The following AFF2 variants were observed in gnomAD, a reference collection of about 807,000 sequenced individuals.
The protein encoded by AFF2 is AF4/FMR2 family member 2.
In AFF2, 14 loss-of-function variants were observed where a neutral mutation model predicts 76.9. The observed-to-expected ratio is 0.18, with a 90% confidence interval of 0.12 to 0.28. The LOEUF is 0.28. Among genes scored for constraint, AFF2 ranks in the 10% least tolerant of loss-of-function variants. The pLI is 1.00. For missense variants in AFF2, 868 were observed against 1,001.1 expected, an observed-to-expected ratio of 0.87 and a Z score of 1.79; for synonymous variants, 398 against 366.7, an observed-to-expected ratio of 1.09 and a Z score of -0.98.
chrX:148,566,675 G>T (rs2124317841), intron 1 of AFF2, among the ~76,000 whole-genome samples: 1 of 110,485 alleles, frequency 9.1e-6, no homozygotes, highest in South Asian at 3.8e-4. Flanking sequence ...GCCATCAAGG[G>T]GTGTGCAAGG....
At chrX:148,634,638 A>G (rs1323260743) in intron 1 of AFF2, among the ~76,000 whole-genome samples, 2 of 111,967 alleles carry the variant, frequency 1.8e-5, no homozygotes, top group African/African-American at 6.5e-5. Context: ...GTCTCTTCTC[A>G]TAGAAATAAC....
At chrX:148,912,037 C>A (rs782482525) in intron 9 of AFF2, among the ~76,000 whole-genome samples, 1 of 111,953 alleles carries the variant, frequency 8.9e-6, no homozygotes, top group Admixed American at 9.4e-5. Flanking sequence ...GTATATACAC[C>A]GTGGAATACT....
At chrX:148,603,538 T>C (rs1603255508) in intron 1 of AFF2, among the ~76,000 whole-genome samples, 1 of 110,204 alleles carries the variant, frequency 9.1e-6, no homozygotes, top group South Asian at 3.8e-4. Flanking sequence ...AGCTTATTTT[T>C]ATTTTAGGGG....
At chrX:148,741,351 T>C (rs996338067) in intron 3 of AFF2, among the ~76,000 whole-genome samples, 47 of 110,436 alleles carry the variant, frequency 4.3e-4, no homozygotes, top group Non-Finnish European at 8.3e-4. Context: ...CCCAAGTCAC[T>C]GGAGTTATGT....
chrX:148,758,123 C>T lies in AFF2; in HGVS notation c.1042-51753C>T, dbSNP rs144194073. Among the ~76,000 whole-genome samples, 626 of 112,163 alleles carry T rather than the reference C, an allele frequency of 5.6e-3. 3 individuals carry two copies. Among genetic ancestry groups the T allele is most frequent in the African/African-American group, 0.02 (606 of 30,936 alleles). On this transcript the variant is annotated intron_variant, in intron 3 of 20. Transcript: ENST00000370460. ...CTCACACTGAGCAATCTGGTTGATT[C>T]CTGTGTATTGTATTTGAGCAAAAGA... is the stretch of plus-strand genomic sequence containing the variant.
At chrX:148,780,478 A>G (rs782539725) in intron 3 of AFF2, among the ~76,000 whole-genome samples, 7 of 111,675 alleles carry the variant, frequency 6.3e-5, no homozygotes, top group Non-Finnish European at 1.3e-4. Context: ...TCTTGTCTTC[A>G]TGCTTTATTT....
intron 4 of AFF2, among the ~76,000 whole-genome samples, chrX:148,833,944 G>T (rs1430909043): frequency 1.7e-4 from 19 of 112,321 alleles, no homozygotes. Context: ...AACACAGACT[G>T]TCTTCTGTCC....
rs1426169095 is a variant in AFF2 at position 148,995,382 on chromosome X, A to G, written c.*4050A>G. The G allele has an allele frequency of 9.3e-6, 1 of 107,405 alleles. No individual in the cohort carries two copies. Among genetic ancestry groups the G allele is most frequent in the Non-Finnish European group, 1.9e-5 (1 of 51,926 alleles). The allele number at this position is 107,405 out of a possible 1,213,427, so 8.9% of individuals were successfully genotyped here. ...TAATTCTCTTTCCATCCTCCTCCTC[A>G]GAAATATAGAAGCCCTCTTTACCAA... On this transcript the variant is annotated 3_prime_UTR_variant, in exon 21 of 21. Transcript: ENST00000370460.
At chrX:148,715,047 G>A (rs1298695289) in intron 3 of AFF2, among the ~76,000 whole-genome samples, 2 of 110,687 alleles carry the variant, frequency 1.8e-5, no homozygotes, top group Non-Finnish European at 3.8e-5. Flanking sequence ...TGTCTGCCAG[G>A]AAAAACCAGG....
chrX:148,924,427 G>A (rs1034023896), intron 9 of AFF2, among the ~76,000 whole-genome samples: 1 of 112,057 alleles, frequency 8.9e-6, no homozygotes, highest in East Asian at 2.8e-4. Context: ...TAAATTCAGG[G>A]TTCTTACCTG....
chrX:148,788,522 T>C (rs1324501028), intron 3 of AFF2, among the ~76,000 whole-genome samples: 2 of 112,138 alleles, frequency 1.8e-5, no homozygotes, highest in African/African-American at 3.2e-5. Flanking sequence ...CTTCCCACTG[T>C]CCTGCCTCTG....
At chrX:148,829,349 A>G (rs1263990608) in intron 4 of AFF2, among the ~76,000 whole-genome samples, 1 of 112,141 alleles carries the variant, frequency 8.9e-6, no homozygotes, top group African/African-American at 3.2e-5. Flanking sequence ...ATATTCATTC[A>G]ATTGAATGGA....
chrX:148,983,270 ATGG>A, intron 19 of AFF2, among the ~76,000 whole-genome samples: 1 of 112,287 alleles, frequency 8.9e-6, no homozygotes, highest in African/African-American at 3.2e-5. Context: ...TTGAGGTGAC[ATGG>A]TGGAATGGAA....
chrX:148,736,566 G>A (rs1299817348), intron 3 of AFF2, among the ~76,000 whole-genome samples: 4 of 111,222 alleles, frequency 3.6e-5, no homozygotes, highest in Non-Finnish European at 7.6e-5. Context: ...TCTGTGGGTT[G>A]TCTGTTTACT....
intron 7 of AFF2, among the ~76,000 whole-genome samples, chrX:148,870,338 G>A (rs1175586340): frequency 3.6e-5 from 4 of 112,058 alleles, no homozygotes; most frequent in African/African-American, 6.5e-5. Context: ...CAATTGATAA[G>A]GTAATGAAAA....
intron 3 of AFF2, chrX:148,719,303 T>G: frequency 1.3e-6 from 1 of 786,763 alleles, no homozygotes. Flanking sequence ...TTCTCTCTCT[T>G]TACAAATGAG....
At chrX:148,600,410 A>G (rs1335804401) in intron 1 of AFF2, among the ~76,000 whole-genome samples, 5 of 111,701 alleles carry the variant, frequency 4.5e-5, no homozygotes, top group African/African-American at 1.6e-4. Context: ...AGCGATAAGG[A>G]GCAGTAGCCA....
intron 3 of AFF2, among the ~76,000 whole-genome samples, chrX:148,667,756 C>T (rs1317338929): frequency 9.0e-6 from 1 of 111,636 alleles, no homozygotes; most frequent in Non-Finnish European, 1.9e-5. Flanking sequence ...TTGGGTTCCT[C>T]CCACAGAGCA....
chrX:148,783,891 A>G (rs1255185366), intron 3 of AFF2, among the ~76,000 whole-genome samples: 1 of 111,716 alleles, frequency 9.0e-6, no homozygotes, highest in African/African-American at 3.3e-5. Context: ...ATCAGATTCT[A>G]CAGGCCTTTT....
Sources: allele counts gnomAD v4.1 joint callset (sites outside exome capture counted in the v4.1 genomes callset), GRCh38; gene constraint gnomAD v4.1.1; transcripts MANE v1.5; gene names NCBI Gene and HGNC (gene_info 2026-07-23, HGNC 2026-07-21).